Variants in CEP128 observed in about 807,000 individuals in gnomAD.
The protein encoded by CEP128 is centrosomal protein 128, also known as centrosomal protein 128kDa.
A neutral mutation model predicts 156.7 loss-of-function variants in CEP128; 132 were observed. The ratio of observed to expected loss-of-function variants is 0.84; its 90% confidence interval spans 0.73 to 0.97. The LOEUF is 0.97. Among genes scored for constraint, CEP128 ranks in the 50% least tolerant of loss-of-function variants. CEP128 has a pLI of 0.00. For missense variants in CEP128, 1,252 were observed against 1,281.9 expected (o/e 0.98, Z 0.36); for synonymous variants, 469 against 448.9 (o/e 1.04, Z -0.57).
chr14:80,509,130 A>G (rs1888126423), intron 23 of CEP128, among the ~76,000 whole-genome samples: 1 of 152,276 alleles, frequency 6.6e-6, no homozygotes, highest in Admixed American at 6.5e-5. Context: ...CCATGATCCA[A>G]TGACCTCCCA....
intron 19 of CEP128, among the ~76,000 whole-genome samples, chr14:80,702,577 T>C (rs1273748713): frequency 6.6e-6 from 1 of 152,144 alleles, no homozygotes; most frequent in Non-Finnish European, 1.5e-5. Flanking sequence ...ACTTTACATA[T>C]ATCAGTTCAT....
intron 19 of CEP128, among the ~76,000 whole-genome samples, chr14:80,615,848 CAAATAAATAAAT>C (rs56839383): frequency 0.057 from 8,547 of 149,182 alleles, 690 homozygotes; most frequent in African/African-American, 0.19. Flanking sequence ...AACTCCATCT[CAAATAAATAAAT>C]AAATAAATAA....
chr14:80,774,467 A>T (rs1212837863), intron 16 of CEP128, among the ~76,000 whole-genome samples: 1 of 152,196 alleles, frequency 6.6e-6, no homozygotes, highest in Non-Finnish European at 1.5e-5. Context: ...CATTGCTTAC[A>T]TGGTAATCTT....
chr14:80,815,588 A>G (rs916980384), intron 13 of CEP128, among the ~76,000 whole-genome samples: 4 of 152,222 alleles, frequency 2.6e-5, no homozygotes. Flanking sequence ...AAGAAAAGAA[A>G]TGATTATATT....
chr14:80,831,363 C>A, intron 12 of CEP128, 69 bp from the exon 13 acceptor site: 1 of 1,470,304 alleles, frequency 6.8e-7, no homozygotes, highest in Admixed American at 1.9e-5. Context: ...TCAAATAGTA[C>A]TGAGCCCTGA....
intron 19 of CEP128, among the ~76,000 whole-genome samples, chr14:80,610,943 C>T (rs111277756): frequency 1.9e-4 from 29 of 151,966 alleles, no homozygotes; most frequent in African/African-American, 6.8e-4. Context: ...GGGTGGTATG[C>T]CATCATCTAG....
rs542258880 is a variant in CEP128, at chr14:80,532,201, A to T, written c.2881-1315T>A. Among the ~76,000 whole-genome samples, 799 of 147,238 alleles carry T rather than the reference A, an allele frequency of 5.4e-3. 6 individuals are homozygous for T. The highest frequency in any genetic ancestry group is 0.019 in the African/African-American group (733 of 39,036). Reference sequence around the variant, plus strand: ...CTCAATTATGAGTATATATATATATATTTTTTTTCTGAGACAGGGTCTCGC... The same window carrying T: ...CTCAATTATGAGTATATATATATATTTTTTTTTTCTGAGACAGGGTCTCGC... On this transcript the variant is annotated intron_variant, in intron 21 of 24. Coordinates refer to ENST00000555265, the MANE Select transcript of CEP128 (RefSeq NM_152446.5).
At chr14:80,595,247 C>T (rs1051007816) in intron 19 of CEP128, among the ~76,000 whole-genome samples, 2 of 152,140 alleles carry the variant, frequency 1.3e-5, no homozygotes, top group African/African-American at 4.8e-5. Flanking sequence ...CGTGTGTTCT[C>T]ACTCATAAGT....
intron 9 of CEP128, among the ~76,000 whole-genome samples, chr14:80,845,105 A>T (rs10137290): frequency 0.065 from 9,826 of 152,216 alleles, 1,054 homozygotes; most frequent in African/African-American, 0.22. Flanking sequence ...GACTACAAAA[A>T]TAACTCAAAG....
chr14:80,700,788 A>G lies in CEP128; in HGVS notation c.2806+42287T>C, dbSNP rs140046565. ...TGCAAAATAGGATTTATCAAGCACA[A>G]TAGGCTTGTAAACCAGATTACCAAC... On this transcript the variant is annotated intron_variant, in intron 19 of 24. Coordinates refer to ENST00000555265, the MANE Select transcript of CEP128 (RefSeq NM_152446.5). 6.6e-5 allele frequency among the ~76,000 whole-genome samples: 10 copies of G among 152,290 alleles called. No homozygotes were observed. The East Asian group carries it at 1.7e-3, about 26-fold the overall frequency.
chr14:80,914,290 A>C, intron 4 of CEP128, 32 bp downstream of exon 4: 4 of 1,519,048 alleles, frequency 2.6e-6, no homozygotes, highest in Non-Finnish European at 3.7e-6. Context: ...AAAGGTGGGT[A>C]GGAGAAAATG....
At chr14:80,902,264 G>A (rs1853007001) in intron 6 of CEP128, among the ~76,000 whole-genome samples, 1 of 152,130 alleles carries the variant, frequency 6.6e-6, no homozygotes. Context: ...GTTTCCAAGT[G>A]TAAGCATTAT....
At chr14:80,499,485 T>C (rs1238475015) in intron 24 of CEP128, among the ~76,000 whole-genome samples, 1 of 152,256 alleles carries the variant, frequency 6.6e-6, no homozygotes, top group Non-Finnish European at 1.5e-5. Flanking sequence ...TTTCAACTCC[T>C]ATACTAATCC....
chr14:80,862,146 T>A (rs906490591), intron 9 of CEP128, among the ~76,000 whole-genome samples: 4 of 152,092 alleles, frequency 2.6e-5, no homozygotes, highest in African/African-American at 9.7e-5. Context: ...AATTCAGGAG[T>A]TGTCAGACTT....
intron 20 of CEP128, among the ~76,000 whole-genome samples, chr14:80,576,527 C>T (rs912968035): frequency 6.6e-6 from 1 of 152,008 alleles, no homozygotes; most frequent in Non-Finnish European, 1.5e-5. Flanking sequence ...TTTGTGATTC[C>T]TCTTAAGATT....
At chr14:80,809,153 C>T (rs531352850) in intron 13 of CEP128, among the ~76,000 whole-genome samples, 29 of 151,960 alleles carry the variant, frequency 1.9e-4, no homozygotes, top group African/African-American at 3.6e-4. Flanking sequence ...AAATGAGAAA[C>T]GTATGAATGA....
rs151295842 is a variant in CEP128 at position 80,484,020 on chromosome 14, A to G, written c.*311-5613T>C. Among the ~76,000 whole-genome samples, 769 of 152,030 alleles carry G rather than the reference A, an allele frequency of 5.1e-3. 10 individuals carry two copies. The highest frequency in any genetic ancestry group is 0.018 in the African/African-American group (733 of 41,468). ...GAGACAGGGTCCCACTCTGTTGCCT[A>G]GGCTAGAGTGCAGTGGCACAATCAC... On this transcript the variant is annotated intron_variant and NMD_transcript_variant, in intron 14 of 14. Coordinates refer to the CEP128 transcript ENST00000554502.
At chr14:80,533,730 T>G (rs528651725) in intron 21 of CEP128, among the ~76,000 whole-genome samples, 3 of 152,192 alleles carry the variant, frequency 2.0e-5, no homozygotes, top group Non-Finnish European at 4.4e-5. Context: ...TTTATTTCAC[T>G]TGTGGCTTAT....
chr14:80,538,520 C>T (rs1889588899), intron 21 of CEP128, among the ~76,000 whole-genome samples: 1 of 152,180 alleles, frequency 6.6e-6, no homozygotes, highest in African/African-American at 2.4e-5. Context: ...CACCCGTATA[C>T]CCACCACCTA....
Sources: gnomAD v4.1 joint callset for allele counts (sites outside exome capture counted in the v4.1 genomes callset) on GRCh38, gnomAD v4.1.1 for gene constraint, MANE v1.5 for transcripts, NCBI Gene and HGNC (gene_info 2026-07-23, HGNC 2026-07-21) for gene names.